The following ARPC1B variants were observed in gnomAD, a reference collection of about 807,000 sequenced individuals.
ARPC1B encodes the protein actin related protein 2/3 complex subunit 1B.
In ARPC1B, 29 loss-of-function variants were observed where a neutral mutation model predicts 46.0. That is an observed-to-expected ratio of 0.63 (90% CI 0.47 to 0.86). The LOEUF is 0.86. Ranked by LOEUF, ARPC1B falls within the 40% of genes least tolerant of loss-of-function variation. The pLI is 0.00. For synonymous variants in ARPC1B, 201 were observed against 213.9 expected, an observed-to-expected ratio of 0.94 and a Z score of 0.53; for missense variants, 469 against 529.4, an observed-to-expected ratio of 0.89 and a Z score of 1.12.
chr7:99,386,241 A>C (rs1379045177), intron 2 of ARPC1B: 2 of 359,334 alleles, frequency 5.6e-6, no homozygotes, highest in Admixed American at 3.9e-5. Context: ...ACAAAGCGAG[A>C]CTCTGTCTCA....
At position 99,391,017 on chromosome 7, in the gene ARPC1B, T is replaced by C; in HGVS notation, c.625T>C (p.Cys209Arg). 1 of 1,613,986 alleles carries C rather than the reference T, an allele frequency of 6.2e-7. No individual in the cohort carries two copies. Residue 209 changes from cysteine (C) to arginine (R), a missense_variant, in exon 6 of 10, where the codon TGT (cysteine) becomes CGT (arginine). Cys to Arg is a radical substitution (Grantham distance 180). Coordinates refer to ENST00000646101, the MANE Select transcript of ARPC1B (RefSeq NM_005720.4). ...SSSCGWVHGV[C>R]FSASGSRVAW... Reference sequence around the variant, plus strand: ...TAGCTGCGGCTGGGTACATGGCGTCTGTTTCTCAGCCAGCGGGAGCCGCGT... The same window carrying C: ...TAGCTGCGGCTGGGTACATGGCGTCCGTTTCTCAGCCAGCGGGAGCCGCGT...
rs1794561517 is a variant in ARPC1B, at chr7:99,391,240, G to A, written c.770G>A (p.Ser257Asn). 6.2e-7 allele frequency: 1 copy of A among 1,614,012 alleles called. No homozygotes were observed. The highest frequency in any genetic ancestry group is 8.5e-7 in the Non-Finnish European group (1 of 1,180,002). Residue 257 changes from serine to asparagine, a missense_variant, in exon 7 of 10, where the codon AGC becomes AAC. Ser to Asn is a conservative substitution (Grantham distance 46). Transcript: ENST00000646101. ...LLALTFITDN[S>N]LVAAGHDCFP... ...GCGCTGACCTTCATCACAGACAACA[G>A]CCTGGTGGCAGCGGTGAGGAATAGG...
Position 99,388,709 on chromosome 7 carries a change from C to T in ARPC1B, c.392+448C>T, listed in dbSNP as rs546754460. 18 of 156,732 alleles carry T rather than the reference C, an allele frequency of 1.1e-4. 1 individual carries two copies. Among genetic ancestry groups the T allele is most frequent in the African/African-American group, 3.1e-4 (13 of 41,644 alleles). 9.7% of individuals were successfully genotyped at this position (156,732 alleles called of 1,614,324 possible). A position where few individuals can be genotyped will look rare whatever the true frequency, so the allele number is the denominator to read the frequency against. ...AGTGCAGTGGCACGATCTTGGCTCA[C>T]GGCAGCCTCTGCCTGCCGGGTTCGA... is the stretch of plus-strand genomic sequence containing the variant. On this transcript the variant is annotated intron_variant, in intron 4 of 9. Coordinates refer to ENST00000646101, the MANE Select transcript of ARPC1B (RefSeq NM_005720.4).
At chr7:99,376,518 CTT>C (rs1794033781) in intron 1 of ARPC1B, 1 of 152,208 alleles carries the variant, frequency 6.6e-6, no homozygotes, top group Non-Finnish European at 1.5e-5. Context: ...AGCCGAGTGA[CTT>C]TGAACAAATC....
chr7:99,390,673 C>T (rs567984962), intron 5 of ARPC1B, among the ~76,000 whole-genome samples: 2 of 152,218 alleles, frequency 1.3e-5, no homozygotes, highest in African/African-American at 4.8e-5. Context: ...AGCCACCATG[C>T]CCAGGCACCT....
rs951853177 is a variant in ARPC1B at position 99,392,949 on chromosome 7, G to C, written c.989+73G>C. ...CAGAAACAGCGTCGGGTGAGGAAGG[G>C]GCCTGGAGTCTTCCTCCTGGGGCAT... On this transcript the variant is annotated intron_variant, in intron 8 of 9. Coordinates refer to ENST00000646101, the MANE Select transcript of ARPC1B (RefSeq NM_005720.4). 38 of 1,396,220 alleles carry C rather than the reference G, an allele frequency of 2.7e-5. No individual in the cohort carries two copies. In the East Asian group the frequency reaches 9.7e-4, roughly 36 times the overall value. 86.5% of individuals were successfully genotyped at this position (1,396,220 alleles called of 1,614,324 possible).
chr7:99,384,654 C>T (rs1205573221), intron 1 of ARPC1B, among the ~76,000 whole-genome samples: 2 of 152,186 alleles, frequency 1.3e-5, no homozygotes, highest in African/African-American at 4.8e-5. Flanking sequence ...CCTCCCAGCC[C>T]TGGGTGCAGC....
At chr7:99,390,148 G>C in intron 5 of ARPC1B, 136 bp downstream of exon 5, 2 of 746,380 alleles carry the variant, frequency 2.7e-6, no homozygotes, top group Non-Finnish European at 2.2e-6. Context: ...GATGACCTGG[G>C]CGTCGGTTGA....
intron 1 of ARPC1B, among the ~76,000 whole-genome samples, chr7:99,381,204 G>T (rs1794209520): frequency 6.6e-6 from 1 of 152,242 alleles, no homozygotes; most frequent in Admixed American, 6.5e-5. Context: ...GGCAGCCCCA[G>T]TGGGTGCCGG....
At chr7:99,383,045 A>T (rs1012707490) in intron 1 of ARPC1B, among the ~76,000 whole-genome samples, 2 of 150,628 alleles carry the variant, frequency 1.3e-5, no homozygotes, top group African/African-American at 4.9e-5. Context: ...GTCTTTCACC[A>T]TGTTGGCCAG....
At chr7:99,375,017 C>A (rs1201086518) in intron 1 of ARPC1B, among the ~76,000 whole-genome samples, 2 of 147,120 alleles carry the variant, frequency 1.4e-5, no homozygotes, top group Admixed American at 1.4e-4. Flanking sequence ...GGACGAGGGG[C>A]TCACGGAAAG....
intron 1 of ARPC1B, among the ~76,000 whole-genome samples, chr7:99,377,759 C>T (rs561737782): frequency 1.3e-5 from 2 of 151,710 alleles, no homozygotes; most frequent in South Asian, 2.1e-4. Context: ...CTCGACCCCC[C>T]GAGCAGCTGG....
intron 1 of ARPC1B, among the ~76,000 whole-genome samples, chr7:99,379,839 T>G (rs1794158089): frequency 6.6e-6 from 1 of 151,212 alleles, no homozygotes; most frequent in South Asian, 2.1e-4. Context: ...GAGACGGGGT[T>G]TTGCCATGTT....
Position 99,392,869 on chromosome 7 carries a change from A to T in ARPC1B, c.982A>T (p.Ser328Cys), listed in dbSNP as rs1440536014. The T allele has an allele frequency of 6.5e-7, 1 of 1,544,634 alleles. No individual in the cohort carries two copies. Among genetic ancestry groups the T allele is most frequent in the Non-Finnish European group, 8.7e-7 (1 of 1,143,056 alleles). Residue 328 changes from serine (S) to cysteine (C), a missense_variant, in exon 8 of 10, where the codon AGC becomes TGC. Transcript: ENST00000646101. ...GAGLDSLHKN[S>C]VSQISVLSGG... ...GGGCCTAGACTCGCTGCACAAGAAC[A>T]GCGTCAGGTGAGAGCGGGAGCCGGG...
At chr7:99,393,070 A>G (rs1794626290) in intron 8 of ARPC1B, among the ~76,000 whole-genome samples, 194 bp downstream of exon 8, 1 of 151,858 alleles carries the variant, frequency 6.6e-6, no homozygotes, top group Non-Finnish European at 1.5e-5. Context: ...GCGGGCCCGG[A>G]CACGAGGGGA....
At chr7:99,383,576 C>T (rs1047459259) in intron 1 of ARPC1B, among the ~76,000 whole-genome samples, 5 of 152,276 alleles carry the variant, frequency 3.3e-5, no homozygotes, top group African/African-American at 9.6e-5. Context: ...AAAATTTAAT[C>T]GGAAATAGGG....
intron 8 of ARPC1B, 49 bp from the exon 9 acceptor site, chr7:99,393,980 C>T: frequency 6.3e-7 from 1 of 1,595,364 alleles, no homozygotes; most frequent in Non-Finnish European, 8.6e-7. Context: ...TGGGCCTGAG[C>T]CCAGCGCCAG....
chr7:99,383,599 C>A (rs1041653400), intron 1 of ARPC1B, among the ~76,000 whole-genome samples: 2 of 152,172 alleles, frequency 1.3e-5, no homozygotes, highest in Non-Finnish European at 2.9e-5. Context: ...TTACGAAGTG[C>A]CGGACCGTGG....
chr7:99,390,904 C>T lies in ARPC1B; in HGVS notation c.512C>T (p.Ala171Val). Residue 171 changes from alanine to valine, a missense_variant, in exon 6 of 10, where the codon GCC becomes GTC. Coordinates refer to ENST00000646101, the MANE Select transcript of ARPC1B (RefSeq NM_005720.4). ...SCDFKCRIFS[A>V]YIKEVEERPA... The stretch of plus-strand genomic sequence containing the variant: ...GCCTATCCCGGTAGGATCTTTTCAG[C>T]CTACATCAAGGAGGTGGAGGAACGG... The T allele has an allele frequency of 6.2e-7, 1 of 1,607,188 alleles. No homozygotes were observed. Among genetic ancestry groups the T allele is most frequent in the Non-Finnish European group, 8.5e-7 (1 of 1,175,156 alleles).
Sources: gnomAD v4.1 joint callset for allele counts (sites outside exome capture counted in the v4.1 genomes callset) on GRCh38, gnomAD v4.1.1 for gene constraint, MANE v1.5 for transcripts, NCBI Gene and HGNC (gene_info 2026-07-23, HGNC 2026-07-21) for gene names.